NDUFV2: variants seen among roughly 807,000 people sequenced by gnomAD.
NDUFV2 encodes the protein NADH dehydrogenase [ubiquinone] flavoprotein 2, mitochondrial.
NDUFV2 carries 18 observed loss-of-function variants against 31.6 expected under a neutral mutation model. That is an observed-to-expected ratio of 0.57 (90% CI 0.39 to 0.84). The LOEUF (loss-of-function observed/expected upper bound fraction) is 0.84, where lower values mean the gene tolerates loss of function less well. NDUFV2 is among the 40% of genes least tolerant of loss of function. The probability of loss-of-function intolerance (pLI) is 0.00; values close to 1 mark genes in which losing one functional copy is unlikely to be tolerated. For missense variants in NDUFV2, 314 were observed against 303.6 expected, an observed-to-expected ratio of 1.03 and a Z score of -0.26; for synonymous variants, 83 against 99.8, an observed-to-expected ratio of 0.83 and a Z score of 1.01.
At chr18:9,104,317 C>T (rs2077830431) in intron 1 of NDUFV2, 1 of 1,596,418 alleles carries the variant, frequency 6.3e-7, no homozygotes, top group Non-Finnish European at 8.6e-7. Context: ...ATTTTAGAGG[C>T]CGTCAGGAGT....
At chr18:9,123,328 A>G (rs775110286) in intron 5 of NDUFV2, among the ~76,000 whole-genome samples, 8 of 152,152 alleles carry the variant, frequency 5.3e-5, no homozygotes, top group Non-Finnish European at 1.2e-4. Flanking sequence ...CCCACCCCCA[A>G]CACCATCAAG....
At chr18:9,128,611 T>A (rs1451989847) in intron 7 of NDUFV2, among the ~76,000 whole-genome samples, 3 of 152,192 alleles carry the variant, frequency 2.0e-5, no homozygotes, top group African/African-American at 7.2e-5. Context: ...TAGTCATCTA[T>A]CATTACAGTA....
At chr18:9,122,178 C>T (rs751576192) in intron 4 of NDUFV2, among the ~76,000 whole-genome samples, 1 of 152,056 alleles carries the variant, frequency 6.6e-6, no homozygotes, top group African/African-American at 2.4e-5. Context: ...TGTGAGTTGA[C>T]ATGATCAAAG....
intron 2 of NDUFV2, among the ~76,000 whole-genome samples, chr18:9,118,198 C>T (rs372344777): frequency 6.6e-5 from 10 of 152,270 alleles, no homozygotes; most frequent in African/African-American, 2.4e-4. Flanking sequence ...GTCATGTTGG[C>T]TTACTGAGAG....
chr18:9,103,008 T>C (rs1400111124), intron 1 of NDUFV2: 1 of 516,926 alleles, frequency 1.9e-6, no homozygotes, highest in East Asian at 3.4e-5. Flanking sequence ...AGTGTACTCC[T>C]AGTTTGGTCG....
At chr18:9,118,815 GTTTTT>G (rs71168030) in intron 2 of NDUFV2, among the ~76,000 whole-genome samples, 6 of 76,762 alleles carry the variant, frequency 7.8e-5, no homozygotes, top group African/African-American at 1.5e-4. Flanking sequence ...AGATGGTGCT[GTTTTT>G]TTTTTTTTTT....
chr18:9,106,848 C>T (rs2077844194), intron 1 of NDUFV2, among the ~76,000 whole-genome samples: 2 of 151,874 alleles, frequency 1.3e-5, no homozygotes, highest in African/African-American at 4.8e-5. Context: ...TGCTCTTGGC[C>T]CCTTCTTTCA....
intron 7 of NDUFV2, among the ~76,000 whole-genome samples, chr18:9,127,585 T>C (rs888511581): frequency 4.6e-5 from 7 of 152,160 alleles, no homozygotes; most frequent in Admixed American, 4.6e-4. Flanking sequence ...GATTCCCCTG[T>C]CTCAGCCTCC....
At chr18:9,131,885 G>A (rs2078043249) in intron 7 of NDUFV2, among the ~76,000 whole-genome samples, 1 of 152,180 alleles carries the variant, frequency 6.6e-6, no homozygotes, top group Admixed American at 6.5e-5. Context: ...TGGCTGTCAG[G>A]TGAGTGGATA....
intron 7 of NDUFV2, among the ~76,000 whole-genome samples, chr18:9,128,708 T>G (rs1407077036): frequency 1.3e-5 from 2 of 152,174 alleles, no homozygotes; most frequent in African/African-American, 4.8e-5. Flanking sequence ...TCATAATATT[T>G]TCCACAAGCT....
chr18:9,118,107 A>G (rs1387752686), intron 2 of NDUFV2, among the ~76,000 whole-genome samples: 1 of 152,188 alleles, frequency 6.6e-6, no homozygotes, highest in Admixed American at 6.5e-5. Context: ...AGTATCAGGA[A>G]AACTCTGGGA....
chr18:9,115,642 A>T (rs2077894256), intron 1 of NDUFV2: 2 of 152,248 alleles, frequency 1.3e-5, no homozygotes, highest in South Asian at 4.1e-4. Flanking sequence ...AGATCACTTG[A>T]CATCGAGAGT....
chr18:9,121,693 C>T (rs184272055), intron 4 of NDUFV2, among the ~76,000 whole-genome samples: 2 of 152,118 alleles, frequency 1.3e-5, no homozygotes, highest in African/African-American at 2.4e-5. Flanking sequence ...TTATAAATCA[C>T]GATAGACAAG....
At chr18:9,130,403 TC>T (rs2078029934) in intron 7 of NDUFV2, among the ~76,000 whole-genome samples, 2 of 152,238 alleles carry the variant, frequency 1.3e-5, no homozygotes, top group Admixed American at 1.3e-4. Flanking sequence ...GCCAAATACT[TC>T]AAAATTATTC....
chr18:9,116,792 C>A (rs1359425443), intron 1 of NDUFV2, among the ~76,000 whole-genome samples: 2 of 152,168 alleles, frequency 1.3e-5, no homozygotes, highest in Admixed American at 1.3e-4. Flanking sequence ...TTGTCCAACT[C>A]TTTGCTAGTT....
chr18:9,117,703 G>A, intron 1 of NDUFV2, 135 bp from the exon 2 acceptor site: 1 of 632,490 alleles, frequency 1.6e-6, no homozygotes, highest in Non-Finnish European at 2.9e-6. Flanking sequence ...AGATGGATAG[G>A]GTAGAATACC....
At chr18:9,113,766 T>A (rs1002240523) in intron 1 of NDUFV2, among the ~76,000 whole-genome samples, 3 of 152,222 alleles carry the variant, frequency 2.0e-5, no homozygotes, top group Admixed American at 2.0e-4. Flanking sequence ...TACCCCCTGC[T>A]TGCTCAATCG....
At chr18:9,121,287 A>G (rs1598347024) in intron 4 of NDUFV2, 1 of 152,208 alleles carries the variant, frequency 6.6e-6, no homozygotes, top group East Asian at 1.9e-4. Flanking sequence ...ATAATTATTT[A>G]TTTAACCGTC....
intron 7 of NDUFV2, among the ~76,000 whole-genome samples, chr18:9,127,343 A>G (rs562148460): frequency 6.6e-5 from 10 of 152,254 alleles, no homozygotes; most frequent in Admixed American, 3.3e-4. Flanking sequence ...AATATCCACA[A>G]TTGTTTCATT....
Sources: allele counts gnomAD v4.1 joint callset (sites outside exome capture counted in the v4.1 genomes callset), GRCh38; gene constraint gnomAD v4.1.1; transcripts MANE v1.5; gene names NCBI Gene and HGNC (gene_info 2026-07-23, HGNC 2026-07-21).